Variants in FAM98B observed in about 807,000 individuals in gnomAD.
FAM98B encodes tRNA-splicing ligase complex subunit FAM98B.
In FAM98B, 32 loss-of-function variants were observed where a neutral mutation model predicts 43.9. That is an observed-to-expected ratio of 0.73 (90% CI 0.55 to 0.98). The LOEUF (loss-of-function observed/expected upper bound fraction) is 0.98, where lower values mean the gene tolerates loss of function less well. FAM98B is among the 50% of genes least tolerant of loss of function. FAM98B has a pLI of 0.00. For missense variants in FAM98B, 514 were observed against 522.9 expected, an observed-to-expected ratio of 0.98 and a Z score of 0.17; for synonymous variants, 190 against 174.0, an observed-to-expected ratio of 1.09 and a Z score of -0.72.
chr15:38,462,796 C>A (rs904110854), intron 1 of FAM98B, among the ~76,000 whole-genome samples: 1 of 152,054 alleles, frequency 6.6e-6, no homozygotes, highest in Non-Finnish European at 1.5e-5. Flanking sequence ...AAACAGTGAC[C>A]AACCTTTGGT....
intron 1 of FAM98B, among the ~76,000 whole-genome samples, chr15:38,463,762 A>T (rs1889987373): frequency 6.6e-6 from 1 of 152,150 alleles, no homozygotes; most frequent in African/African-American, 2.4e-5. Flanking sequence ...AAAACATAGG[A>T]AAAAAGCCAA....
intron 4 of FAM98B, among the ~76,000 whole-genome samples, chr15:38,472,383 A>G (rs1595801195): frequency 6.6e-6 from 1 of 152,136 alleles, no homozygotes; most frequent in East Asian, 1.9e-4. Context: ...TACAAATTGT[A>G]TCAGTAGAGA....
In FAM98B at chr15:38,487,640, G is replaced by A. The variant is rs1486330535; in HGVS notation, c.*2981G>A. The A allele has an allele frequency of 1.3e-5, 2 of 152,114 alleles. No homozygotes were observed. Among genetic ancestry groups the A allele is most frequent in the African/African-American group, 2.4e-5 (1 of 41,456 alleles). 9.4% of individuals were successfully genotyped at this position (152,114 alleles called of 1,614,324 possible). A position where few individuals can be genotyped will look rare whatever the true frequency, so the allele number is the denominator to read the frequency against. On this transcript the variant is annotated 3_prime_UTR_variant, in exon 8 of 8. Coordinates refer to ENST00000397609, the MANE Select transcript of FAM98B (RefSeq NM_173611.4). ...ATTAGCTGGGGATTAAGGGAAAATTGTGGCTATGTCTGATCATTCTAAATA... is the reference window on the plus strand; with the variant it reads ...ATTAGCTGGGGATTAAGGGAAAATTATGGCTATGTCTGATCATTCTAAATA...
At chr15:38,454,506 A>C (rs1280484353) in intron 1 of FAM98B, among the ~76,000 whole-genome samples, 1 of 152,226 alleles carries the variant, frequency 6.6e-6, no homozygotes, top group East Asian at 1.9e-4. Flanking sequence ...GGTGGCGCGG[A>C]GCGGCCCTTC....
In FAM98B at chr15:38,474,189, T is replaced by C; in HGVS notation, c.620T>C (p.Leu207Pro). The C allele has an allele frequency of 6.2e-7, 1 of 1,611,814 alleles. No individual in the cohort carries two copies. Among genetic ancestry groups the C allele is most frequent in the Non-Finnish European group, 8.5e-7 (1 of 1,178,324 alleles). The change falls in exon 6 of 8, where the codon CTG becomes CCG. Residue 207 changes from leucine to proline, a missense_variant. Leu to Pro is a moderately conservative substitution (Grantham distance 98). Transcript: ENST00000397609. Reference protein sequence around the residue: ...MDLNSEQAEQLERINDALSCE... With the variant: ...MDLNSEQAEQPERINDALSCE... The stretch of plus-strand genomic sequence containing the variant: ...TGTTTCCAAATTTTTTAGGAACAAC[T>C]GGAAAGAATCAATGATGCTCTTTCC...
chr15:38,462,732 T>A (rs1889969026), intron 1 of FAM98B, among the ~76,000 whole-genome samples: 1 of 152,142 alleles, frequency 6.6e-6, no homozygotes, highest in South Asian at 2.1e-4. Context: ...AATTCTAAAT[T>A]CCAGTTGGAA....
intron 7 of FAM98B, 32 bp from the exon 8 acceptor site, chr15:38,484,223 T>C (rs1839142251): frequency 6.5e-7 from 1 of 1,537,162 alleles, no homozygotes; most frequent in South Asian, 1.2e-5. Context: ...TTTGAAATAT[T>C]AGGAACTAAA....
intron 3 of FAM98B, among the ~76,000 whole-genome samples, chr15:38,468,757 T>A (rs1890077791): frequency 6.6e-6 from 1 of 152,162 alleles, no homozygotes; most frequent in Non-Finnish European, 1.5e-5. Flanking sequence ...TACTTGTAGA[T>A]CTACTGTTCA....
chr15:38,458,734 C>G (rs1338492095), intron 1 of FAM98B: 2 of 330,042 alleles, frequency 6.1e-6, no homozygotes, highest in African/African-American at 4.3e-5. Context: ...ATGACCACTG[C>G]TTGGAAGCAG....
chr15:38,484,959 G>T lies in FAM98B; in HGVS notation c.*300G>T. 1 of 267,844 alleles carries T rather than the reference G, an allele frequency of 3.7e-6. No homozygotes were observed. The highest frequency in any genetic ancestry group is 6.8e-6 in the Non-Finnish European group (1 of 146,748). 16.6% of individuals were successfully genotyped at this position (267,844 alleles called of 1,614,324 possible). On this transcript the variant is annotated 3_prime_UTR_variant, in exon 8 of 8. Transcript: ENST00000397609. ...GTAAATATTTATTACCATCAGACTT[G>T]GAAAATGGAAAGTATTTTATTGTCA...
At position 38,484,514 on chromosome 15, in the gene FAM98B, G is replaced by A; in HGVS notation, c.1157G>A (p.Gly386Asp). ...GGAGGAGGAGGAGGTGGTAGAGGAG[G>A]TTTCCAAGGCAGGGGAGATTATGGT... ...WGGGGGGGRGGFQGRGDYGGR... is the reference protein window; with the variant it reads ...WGGGGGGGRGDFQGRGDYGGR... Residue 386 changes from glycine (G) to aspartate (D), a missense_variant, in exon 8 of 8, where the codon GGT (glycine) becomes GAT (aspartate). Around this residue, in one of 2 missense-constraint regions of FAM98B, gnomAD observed 45 missense variants for 71.1 expected, o/e 0.63. Transcript: ENST00000397609. The A allele has an allele frequency of 2.1e-6, 3 of 1,424,478 alleles. No individual in the cohort carries two copies. Among genetic ancestry groups the A allele is most frequent in the Non-Finnish European group, 2.7e-6 (3 of 1,094,528 alleles). 88.2% of individuals were successfully genotyped at this position (1,424,478 alleles called of 1,614,324 possible). A position where few individuals can be genotyped will look rare whatever the true frequency, so the allele number is the denominator to read the frequency against.
chr15:38,468,283 T>C (rs1236965820), intron 3 of FAM98B, among the ~76,000 whole-genome samples: 3 of 152,176 alleles, frequency 2.0e-5, no homozygotes, highest in Non-Finnish European at 4.4e-5. Context: ...TTGCCCAGGC[T>C]GGAGTGTGAT....
At chr15:38,470,025 TA>T (rs1320500107) in intron 3 of FAM98B, among the ~76,000 whole-genome samples, 1 of 152,126 alleles carries the variant, frequency 6.6e-6, no homozygotes, top group African/African-American at 2.4e-5. Context: ...TCATTTCATT[TA>T]AAAAAACGTA....
chr15:38,459,364 T>C, intron 1 of FAM98B: 2 of 444,328 alleles, frequency 4.5e-6, no homozygotes, highest in Non-Finnish European at 9.0e-6. Flanking sequence ...CCTCCTTATA[T>C]GGATGAGCTC....
At chr15:38,481,551 G>A (rs767603274) in intron 7 of FAM98B, 92 bp downstream of exon 7, 1 of 1,613,016 alleles carries the variant, frequency 6.2e-7, no homozygotes. Context: ...TTCATGTCCT[G>A]GTAAATGTTT....
At chr15:38,474,660 A>G (rs1406030893) in intron 6 of FAM98B, among the ~76,000 whole-genome samples, 1 of 152,248 alleles carries the variant, frequency 6.6e-6, no homozygotes, top group Non-Finnish European at 1.5e-5. Flanking sequence ...AGGCCTTAAA[A>G]GTATCTTAAG....
chr15:38,476,560 A>G (rs556594438), intron 6 of FAM98B, among the ~76,000 whole-genome samples: 29 of 151,198 alleles, frequency 1.9e-4, no homozygotes, highest in Non-Finnish European at 3.7e-4. Context: ...AGTTTCTCAG[A>G]AATGTTTTTA....
intron 1 of FAM98B, among the ~76,000 whole-genome samples, chr15:38,455,764 C>T (rs1328427837): frequency 6.6e-6 from 1 of 152,152 alleles, no homozygotes; most frequent in Non-Finnish European, 1.5e-5. Context: ...TTTCTTCTTT[C>T]TTCATTTCTT....
In FAM98B at chr15:38,484,832, T is replaced by TC. The variant is rs1190836188; in HGVS notation, c.*174dup. On this transcript the variant is annotated 3_prime_UTR_variant, in exon 8 of 8. Coordinates refer to ENST00000397609, the MANE Select transcript of FAM98B (RefSeq NM_173611.4). ...AACATTGTTTTTTATTACCAGTTGATCTCTCAAATGAAGTGATGACTTTTT... is the reference window on the plus strand; with the variant it reads ...AACATTGTTTTTTATTACCAGTTGATCCTCTCAAATGAAGTGATGACTTTTT... 36 of 1,018,800 alleles carry TC rather than the reference T, an allele frequency of 3.5e-5. No homozygotes were observed. The highest frequency in any genetic ancestry group is 4.2e-5 in the Non-Finnish European group (32 of 760,692). 63.1% of individuals were successfully genotyped at this position (1,018,800 alleles called of 1,614,324 possible). A position where few individuals can be genotyped will look rare whatever the true frequency, so the allele number is the denominator to read the frequency against.
Sources: allele counts gnomAD v4.1 joint callset (sites outside exome capture counted in the v4.1 genomes callset), GRCh38; gene constraint gnomAD v4.1.1; regional missense constraint gnomAD v4.1.1; transcripts MANE v1.5; gene names NCBI Gene and HGNC (gene_info 2026-07-23, HGNC 2026-07-21).